Variants in TCF7 observed in about 807,000 individuals in gnomAD.
The protein encoded by TCF7 is T-cell-factor-7.
In TCF7, 19 loss-of-function variants were observed where a neutral mutation model predicts 46.8. The ratio of observed to expected loss-of-function variants is 0.41; its 90% CI spans 0.28 to 0.60. The LOEUF is 0.60. Among genes scored for constraint, TCF7 ranks in the 20% least tolerant of loss-of-function variants. TCF7 has a pLI of 0.35. For missense variants in TCF7, 547 were observed against 504.6 expected (o/e 1.08, Z -0.81); for synonymous variants, 245 against 213.4 (o/e 1.15, Z -1.29).
chr5:134,143,591 G>C lies in TCF7; in HGVS notation c.1027-1G>C, dbSNP rs1388189038. On this transcript the variant is annotated splice_acceptor_variant, in intron 8 of 9. Transcript: ENST00000342854. LOFTEE classifies it high-confidence loss of function. ...AGCATCCCTCCTTTTGTTCCCTGCA[G>C]GGGAAGAAGAAGAGGCGGTCGAGGG... 1 of 1,614,120 alleles carries C rather than the reference G, an allele frequency of 6.2e-7. No individual in the cohort carries two copies. Among genetic ancestry groups the C allele is most frequent in the Non-Finnish European group, 8.5e-7 (1 of 1,180,018 alleles).
intron 3 of TCF7, chr5:134,123,841 T>C: frequency 2.2e-6 from 1 of 455,860 alleles, no homozygotes; most frequent in Non-Finnish European, 4.4e-6. Context: ...TGGGGCAGGG[T>C]GGATGCTAGG....
chr5:134,142,149 T>C (rs1227359824), intron 5 of TCF7, 36 bp from the exon 6 acceptor site: 3 of 1,613,620 alleles, frequency 1.9e-6, no homozygotes, highest in African/African-American at 2.7e-5. Flanking sequence ...TGGCCCATAA[T>C]TCTTGGCTCA....
At position 134,115,921 on chromosome 5, in the gene TCF7, C is replaced by T. The variant is rs1437178382; in HGVS notation, c.329C>T (p.Pro110Leu). ...GTGGTTTTTCCAGGCCTGAAGGCCC[C>T]GGAGTGCACCAGCGGCATGTACAAA... ...PEPLEDGLKA[P>L]ECTSGMYKET... The change falls in exon 3 of 10, where the codon CCG becomes CTG. Residue 110 changes from proline to leucine, a missense_variant. Pro to Leu is a moderately conservative substitution (Grantham distance 98). Transcript: ENST00000342854. The T allele has an allele frequency of 6.2e-7, 1 of 1,614,000 alleles. No homozygotes were observed. Among genetic ancestry groups the T allele is most frequent in the African/African-American group, 1.3e-5 (1 of 75,056 alleles).
chr5:134,132,827 C>T (rs1031194648), intron 3 of TCF7, among the ~76,000 whole-genome samples: 9 of 152,138 alleles, frequency 5.9e-5, no homozygotes, highest in African/African-American at 1.7e-4. Context: ...CAGGAGTCTC[C>T]GTTTCCATCT....
chr5:134,140,050 T>G (rs1414349557), intron 5 of TCF7, among the ~76,000 whole-genome samples: 2 of 152,144 alleles, frequency 1.3e-5, no homozygotes, highest in Non-Finnish European at 2.9e-5. Context: ...CCAAGAGAGT[T>G]GAGCCTACAG....
chr5:134,126,933 A>T (rs1757432705), intron 3 of TCF7, among the ~76,000 whole-genome samples: 1 of 151,846 alleles, frequency 6.6e-6, no homozygotes, highest in African/African-American at 2.4e-5. Flanking sequence ...CCAAGAAAGT[A>T]GGTATTATTG....
chr5:134,136,952 T>G (rs1758949249), intron 3 of TCF7, among the ~76,000 whole-genome samples: 1 of 152,178 alleles, frequency 6.6e-6, no homozygotes, highest in South Asian at 2.1e-4. Flanking sequence ...AAGTGGGAAG[T>G]TGAACCTTGG....
chr5:134,133,346 G>A (rs1758421904), intron 3 of TCF7, among the ~76,000 whole-genome samples: 1 of 152,128 alleles, frequency 6.6e-6, no homozygotes, highest in South Asian at 2.1e-4. Context: ...AAATGCTCGG[G>A]GCCTGGTGGG....
At chr5:134,136,725 T>C (rs1758917734) in intron 3 of TCF7, among the ~76,000 whole-genome samples, 1 of 152,138 alleles carries the variant, frequency 6.6e-6, no homozygotes, top group African/African-American at 2.4e-5. Flanking sequence ...AAAGGGGCCA[T>C]GAACCCTATT....
At position 134,123,927 on chromosome 5, in the gene TCF7, G is replaced by A. The variant is rs574159181; in HGVS notation, c.441+7894G>A. Among the ~76,000 whole-genome samples the A allele has an allele frequency of 2.0e-5, 3 of 152,306 alleles. No individual in the cohort carries two copies. The East Asian group carries it at 5.8e-4, about 29-fold the overall frequency. On this transcript the variant is annotated intron_variant, in intron 3 of 9. Coordinates refer to ENST00000342854, the MANE Select transcript of TCF7 (RefSeq NM_003202.5). Reference sequence around the variant, plus strand: ...CTTTGGGTGGAGAAGACCCAAGGGTGTTGGGCAGTGCAAGGCAGGGGTACC... The same window carrying A: ...CTTTGGGTGGAGAAGACCCAAGGGTATTGGGCAGTGCAAGGCAGGGGTACC...
At chr5:134,130,529 T>C (rs1405250502) in intron 3 of TCF7, among the ~76,000 whole-genome samples, 6 of 152,226 alleles carry the variant, frequency 3.9e-5, no homozygotes, top group African/African-American at 1.2e-4. Context: ...GGCCCAGGTG[T>C]CTGTCCAGAA....
rs1362023701 is a variant in TCF7, at chr5:134,145,279, C to T, written c.1076-945C>T. 5 of 541,114 alleles carry T rather than the reference C, an allele frequency of 9.2e-6. No individual in the cohort carries two copies. The African/African-American group carries it at 9.5e-5, about 10-fold the overall frequency. The allele number at this position is 541,114 out of a possible 1,614,324, so 33.5% of individuals were successfully genotyped here. ...TTCAAGATGGGATCCCTGCCTGTAC[C>T]ATCCTGAGCCCTTAATCTGAAAAAG... is the stretch of plus-strand genomic sequence containing the variant. On this transcript the variant is annotated intron_variant, in intron 9 of 9. Transcript: ENST00000342854.
chr5:134,124,242 GCTGTCCTGTTTCGCAGAC>G (rs1275974279), intron 3 of TCF7, among the ~76,000 whole-genome samples: 2 of 152,184 alleles, frequency 1.3e-5, no homozygotes, highest in African/African-American at 2.4e-5. Context: ...CAGGCAGTTT[GCTGTCCTGTTTCGCAGAC>G]CTGTCATGCT....
intron 3 of TCF7, among the ~76,000 whole-genome samples, chr5:134,128,183 ACTC>A (rs375915047): frequency 3.6e-3 from 537 of 150,442 alleles, no homozygotes; most frequent in African/African-American, 0.012. Context: ...ATCCCTTCCC[ACTC>A]CTCAACCCCA....
chr5:134,118,408 G>C (rs1049217444), intron 3 of TCF7, among the ~76,000 whole-genome samples: 5 of 152,334 alleles, frequency 3.3e-5, no homozygotes, highest in Middle Eastern at 6.8e-3. Context: ...CTTATGCTGA[G>C]AGGCTTGAGG....
At chr5:134,140,945 C>G in intron 5 of TCF7, 1 of 348,082 alleles carries the variant, frequency 2.9e-6, no homozygotes, top group South Asian at 2.1e-5. Flanking sequence ...GCTTCAGAGC[C>G]CACACAAGGC....
intron 3 of TCF7, among the ~76,000 whole-genome samples, chr5:134,134,162 C>T (rs1261726899): frequency 6.6e-6 from 1 of 152,258 alleles, no homozygotes; most frequent in African/African-American, 2.4e-5. Context: ...TGGAGCCATG[C>T]TCTCACTACC....
chr5:134,144,870 G>A (rs1368686616), intron 9 of TCF7: 1 of 1,614,006 alleles, frequency 6.2e-7, no homozygotes, highest in Admixed American at 1.7e-5. Flanking sequence ...GTCCGTGCAG[G>A]TGGGTTTGTC....
intron 4 of TCF7, among the ~76,000 whole-genome samples, chr5:134,138,396 C>T (rs1759226263): frequency 6.6e-6 from 1 of 152,220 alleles, no homozygotes. Context: ...AGCCTAAATC[C>T]CATGGGTGAC....
Sources: allele counts gnomAD v4.1 joint callset (sites outside exome capture counted in the v4.1 genomes callset), GRCh38; gene constraint gnomAD v4.1.1; transcripts MANE v1.5; gene names NCBI Gene and HGNC (gene_info 2026-07-23, HGNC 2026-07-21).